Variants in EHMT1 observed in about 807,000 individuals in gnomAD.
The protein encoded by EHMT1 is histone-lysine N-methyltransferase EHMT1.
EHMT1 carries 15 observed loss-of-function variants against 147.2 expected under a neutral mutation model. The ratio of observed to expected loss-of-function variants is 0.10; its 90% confidence interval spans 0.07 to 0.16. The LOEUF (loss-of-function observed/expected upper bound fraction) is 0.16, where lower values mean the gene tolerates loss of function less well. Among genes scored for constraint, EHMT1 ranks in the 10% least tolerant of loss-of-function variants. The probability of loss-of-function intolerance (pLI) is 1.00; values close to 1 mark genes in which losing one functional copy is unlikely to be tolerated. For synonymous variants in EHMT1, 795 were observed against 709.6 expected, an observed-to-expected ratio of 1.12 and a Z score of -1.91; for missense variants, 1,587 against 1,772.4, an observed-to-expected ratio of 0.90 and a Z score of 1.88.
chr9:137,688,049 A>T (rs529476818), intron 1 of EHMT1, among the ~76,000 whole-genome samples: 130 of 152,152 alleles, frequency 8.5e-4, no homozygotes, highest in African/African-American at 2.9e-3. Flanking sequence ...TTTTAGATGG[A>T]GTCTTACTCT....
chr9:137,833,473 T>C (rs1956365024), intron 25 of EHMT1, among the ~76,000 whole-genome samples: 1 of 152,298 alleles, frequency 6.6e-6, no homozygotes, highest in South Asian at 2.1e-4. Flanking sequence ...GCGTCTAGGT[T>C]CCTTGCTAGC....
chr9:137,776,527 G>A lies in EHMT1; in HGVS notation c.1792-91G>A. 3 of 1,327,462 alleles carry A rather than the reference G, an allele frequency of 2.3e-6. No individual in the cohort carries two copies. The highest frequency in any genetic ancestry group is 3.2e-6 in the Non-Finnish European group (3 of 942,484). 82.2% of individuals were successfully genotyped at this position (1,327,462 alleles called of 1,614,324 possible). ...TGGCTCACTCTGCAGACCGCCCGATGTGGGATGCGGTGCCAGTTTAGTAGT... is the reference window on the plus strand; with the variant it reads ...TGGCTCACTCTGCAGACCGCCCGATATGGGATGCGGTGCCAGTTTAGTAGT... On this transcript the variant is annotated intron_variant, in intron 11 of 26. Transcript: ENST00000460843. This position sits in a 1 kb window ranked among gnomAD's most constrained non-coding sequence, Gnocchi z 4.4.
intron 25 of EHMT1, among the ~76,000 whole-genome samples, chr9:137,823,168 G>A (rs929990570): frequency 2.2e-4 from 33 of 147,314 alleles, no homozygotes; most frequent in African/African-American, 7.9e-4. Flanking sequence ...ACGCAGTCTC[G>A]GCTCACTGCA....
chr9:137,791,108 T>C, intron 16 of EHMT1, 138 bp downstream of exon 16: 1 of 1,423,700 alleles, frequency 7.0e-7, no homozygotes. Flanking sequence ...AATAGTTCCT[T>C]CATCTCACTT....
At chr9:137,655,432 C>G (rs1288577928) in intron 1 of EHMT1, among the ~76,000 whole-genome samples, 2 of 152,220 alleles carry the variant, frequency 1.3e-5, no homozygotes, top group East Asian at 3.8e-4. Flanking sequence ...ACCCAGGAAT[C>G]TTACCTATGG....
At position 137,752,215 on chromosome 9, in the gene EHMT1, C is replaced by T. The variant is rs142083177; in HGVS notation, c.1171-116C>T. ...GCCCCCGCCCCGCGAGCGTCTCCGG[C>T]GTGTGCGGCCAGTGCCCGTTTCGAG... On this transcript the variant is annotated intron_variant, in intron 6 of 26. Coordinates refer to ENST00000460843, the MANE Select transcript of EHMT1 (RefSeq NM_024757.5). 3.6e-3 allele frequency: 4,479 copies of T among 1,251,222 alleles called. 93 individuals carry two copies. Among genetic ancestry groups the T allele is most frequent in the East Asian group, 0.021 (845 of 39,664 alleles). 77.5% of individuals were successfully genotyped at this position (1,251,222 alleles called of 1,614,324 possible).
intron 1 of EHMT1, among the ~76,000 whole-genome samples, chr9:137,620,448 C>T (rs943035859): frequency 4.6e-5 from 7 of 152,122 alleles, no homozygotes; most frequent in Admixed American, 2.6e-4. Flanking sequence ...CAGGATCTCC[C>T]TTTGTCACTC....
intron 18 of EHMT1, among the ~76,000 whole-genome samples, chr9:137,810,814 C>T (rs1452129242): frequency 6.6e-6 from 1 of 152,096 alleles, no homozygotes; most frequent in Admixed American, 6.5e-5. Flanking sequence ...ATTCTCCTGC[C>T]TCAGCCTCGC....
chr9:137,721,024 A>G (rs72766929), intron 3 of EHMT1, among the ~76,000 whole-genome samples: 4 of 77,592 alleles, frequency 5.2e-5, no homozygotes, highest in South Asian at 4.6e-4. Flanking sequence ...CGTCCTCGCC[A>G]GCGTTAGCTC....
At chr9:137,674,617 G>A (rs1186675058) in intron 1 of EHMT1, among the ~76,000 whole-genome samples, 1 of 152,176 alleles carries the variant, frequency 6.6e-6, no homozygotes, top group Non-Finnish European at 1.5e-5. Context: ...TGTGAGACCC[G>A]CATTTATATT....
chr9:137,664,932 A>G (rs1362869008), intron 1 of EHMT1: 2 of 152,186 alleles, frequency 1.3e-5, no homozygotes, highest in East Asian at 1.9e-4. Flanking sequence ...CTTTTCGGAC[A>G]TGGTGTTTTG....
chr9:137,693,487 C>T lies in EHMT1; in HGVS notation c.22-17480C>T, dbSNP rs533532254. Among the ~76,000 whole-genome samples the T allele has an allele frequency of 2.0e-5, 3 of 152,222 alleles. No homozygotes were observed. The South Asian group carries it at 6.2e-4, about 32-fold the overall frequency. On this transcript the variant is annotated intron_variant, in intron 1 of 26. Transcript: ENST00000460843. ...CCAAGGTTACGCATCTCATTAATGA[C>T]AGAGCTGGGATTCGAATCTAGCCAG...
rs1955683142 is a variant in EHMT1 at position 137,824,614 on chromosome 9, G to T, written c.3540+6476G>T. Among the ~76,000 whole-genome samples the T allele has an allele frequency of 1.3e-5, 2 of 152,196 alleles. 1 individual carries two copies. Among genetic ancestry groups the T allele is most frequent in the East Asian group, 3.8e-4 (2 of 5,196 alleles). On this transcript the variant is annotated intron_variant, in intron 25 of 26. Coordinates refer to ENST00000460843, the MANE Select transcript of EHMT1 (RefSeq NM_024757.5). ...TTATCGCATTGAGCCTTCTGACCCT[G>T]TGTCTGTAGGTGGCCCAGCTGTCTT...
At chr9:137,818,569 CGAGACCGTAGA>C (rs1031438894) in intron 25 of EHMT1, among the ~76,000 whole-genome samples, 6 of 139,278 alleles carry the variant, frequency 4.3e-5, no homozygotes, top group Admixed American at 4.0e-4. Flanking sequence ...CGCCGTGTAC[CGAGACCGTAGA>C]GAGGCCGATT....
chr9:137,765,008 G>A (rs1201579024), intron 10 of EHMT1, among the ~76,000 whole-genome samples: 4 of 152,366 alleles, frequency 2.6e-5, no homozygotes, highest in East Asian at 3.9e-4. Context: ...TAATTCTGGC[G>A]AGAATGCTGT....
At chr9:137,768,942 C>G (rs896148148) in intron 10 of EHMT1, among the ~76,000 whole-genome samples, 1 of 152,214 alleles carries the variant, frequency 6.6e-6, no homozygotes, top group Non-Finnish European at 1.5e-5. Context: ...CCGCCTCAGC[C>G]TCTCAAAGTG....
intron 1 of EHMT1, among the ~76,000 whole-genome samples, chr9:137,636,872 A>C (rs1207757924): frequency 8.8e-6 from 1 of 113,814 alleles, no homozygotes; most frequent in Non-Finnish European, 1.9e-5. Flanking sequence ...AAAATTTATT[A>C]TTTTTTTTTG....
chr9:137,675,070 T>A (rs1456468565), intron 1 of EHMT1: 1 of 152,174 alleles, frequency 6.6e-6, no homozygotes, highest in African/African-American at 2.4e-5. Flanking sequence ...TTGTGGGAAG[T>A]AAGAAAGCAG....
At chr9:137,756,493 G>C (rs1250232958) in intron 8 of EHMT1, among the ~76,000 whole-genome samples, 1 of 152,190 alleles carries the variant, frequency 6.6e-6, no homozygotes, top group African/African-American at 2.4e-5. Context: ...AAAAGAGAGG[G>C]TTGCGGGAGA....
Sources: gnomAD v4.1 joint callset for allele counts (sites outside exome capture counted in the v4.1 genomes callset) on GRCh38, gnomAD v4.1.1 for gene constraint, Gnocchi (gnomAD v3.1) non-coding constraint, MANE v1.5 for transcripts, NCBI Gene and HGNC (gene_info 2026-07-23, HGNC 2026-07-21) for gene names.